Variants in ADGRD1 observed in about 807,000 individuals in gnomAD.
ADGRD1 encodes G-protein coupled receptor 133.
A neutral mutation model predicts 113.4 loss-of-function variants in ADGRD1; 77 were observed. The observed-to-expected ratio is 0.68, with a 90% confidence interval of 0.57 to 0.82. The LOEUF (loss-of-function observed/expected upper bound fraction) is 0.82, where lower values mean the gene tolerates loss of function less well. Ranked by LOEUF, ADGRD1 falls within the 40% of genes least tolerant of loss-of-function variation. ADGRD1 has a pLI of 0.00. For synonymous variants in ADGRD1, 474 were observed against 475.0 expected, an observed-to-expected ratio of 1.00 and a Z score of 0.03; for missense variants, 1,036 against 1,139.1, an observed-to-expected ratio of 0.91 and a Z score of 1.30.
At position 130,984,913 on chromosome 12, in the gene ADGRD1, C is replaced by T. The variant is rs1330010921; in HGVS notation, c.491-2182C>T. 6.7e-6 allele frequency among the ~76,000 whole-genome samples: 1 copy of T among 149,900 alleles called. No homozygotes were observed. The highest frequency in any genetic ancestry group is 1.5e-5 in the Non-Finnish European group (1 of 67,562). Reference sequence around the variant, plus strand: ...TCTTCTCTTCTCTCTCTCTCTCACTCTCTCTCTCCTCTCTTCTCTCTTTCT... The same window carrying T: ...TCTTCTCTTCTCTCTCTCTCTCACTTTCTCTCTCCTCTCTTCTCTCTTTCT... On this transcript the variant is annotated intron_variant, in intron 5 of 24. Transcript: ENST00000261654. The surrounding 1 kb of genome is among the most constrained non-coding windows in gnomAD (Gnocchi z 4.1).
At chr12:131,030,887 G>A (rs1034945932) in intron 13 of ADGRD1, 1 of 152,284 alleles carries the variant, frequency 6.6e-6, no homozygotes, top group African/African-American at 2.4e-5. Context: ...GAGACACTGA[G>A]CCGCATCTGC....
intron 12 of ADGRD1, among the ~76,000 whole-genome samples, chr12:131,012,935 G>T (rs1217584389): frequency 1.3e-5 from 2 of 152,174 alleles, no homozygotes; most frequent in Non-Finnish European, 2.9e-5. Flanking sequence ...AGGCATCTTT[G>T]TGTAGTCACC....
At chr12:131,072,667 C>T (rs1032952123) in intron 13 of ADGRD1, among the ~76,000 whole-genome samples, 2 of 152,206 alleles carry the variant, frequency 1.3e-5, no homozygotes, top group Non-Finnish European at 2.9e-5. Flanking sequence ...AGGACAGACC[C>T]CTTCAAGCTG....
At chr12:131,064,229 C>T (rs1456362740) in intron 13 of ADGRD1, among the ~76,000 whole-genome samples, 1 of 152,206 alleles carries the variant, frequency 6.6e-6, no homozygotes, top group Non-Finnish European at 1.5e-5. Context: ...TGAGACCAGA[C>T]ATCTTTGCTT....
chr12:131,130,728 G>A (rs952740985), intron 20 of ADGRD1, among the ~76,000 whole-genome samples: 16 of 151,080 alleles, frequency 1.1e-4, no homozygotes, highest in African/African-American at 3.2e-4. Context: ...CCGTGCGGGG[G>A]AAGAGCGAGG....
chr12:131,121,676 G>A (rs1950598193), intron 20 of ADGRD1, among the ~76,000 whole-genome samples: 1 of 152,174 alleles, frequency 6.6e-6, no homozygotes. Flanking sequence ...CACTGTGCCT[G>A]GCCCCAACTC....
chr12:131,108,691 C>A (rs747472679), intron 17 of ADGRD1, 33 bp from the exon 18 acceptor site: 1 of 1,613,876 alleles, frequency 6.2e-7, no homozygotes, highest in Non-Finnish European at 8.5e-7. Flanking sequence ...CACCCCAGAG[C>A]TGTCTCACTT....
chr12:130,985,624 C>T (rs1266219953), intron 5 of ADGRD1, among the ~76,000 whole-genome samples: 1 of 151,436 alleles, frequency 6.6e-6, no homozygotes, highest in Admixed American at 6.6e-5. Context: ...GATCTCGGCT[C>T]ACTGCAACCT....
intron 14 of ADGRD1, among the ~76,000 whole-genome samples, chr12:131,079,853 G>C (rs1240907835): frequency 2.6e-5 from 4 of 152,068 alleles, no homozygotes; most frequent in Non-Finnish European, 2.9e-5. Context: ...TATAATCTGT[G>C]TCTTCTTTTT....
chr12:131,076,728 T>A, intron 13 of ADGRD1, 73 bp from the exon 14 acceptor site: 1 of 1,302,802 alleles, frequency 7.7e-7, no homozygotes, highest in Non-Finnish European at 1.1e-6. Context: ...AGGGTCTCGC[T>A]CTCACATCAG....
intron 14 of ADGRD1, among the ~76,000 whole-genome samples, chr12:131,077,265 T>C (rs1327523143): frequency 6.6e-6 from 1 of 152,124 alleles, no homozygotes; most frequent in East Asian, 1.9e-4. Flanking sequence ...GGCTTCTGAC[T>C]AGCCACGTTG....
chr12:131,129,056 G>C (rs111694385), intron 20 of ADGRD1, among the ~76,000 whole-genome samples: 106 of 65,372 alleles, frequency 1.6e-3, no homozygotes, highest in Admixed American at 1.9e-3. Flanking sequence ...GTGACAGGCC[G>C]GCCCTGCTGT....
At chr12:131,095,465 T>C (rs1358607051) in intron 15 of ADGRD1, among the ~76,000 whole-genome samples, 1 of 152,250 alleles carries the variant, frequency 6.6e-6, no homozygotes, top group African/African-American at 2.4e-5. Context: ...CTGGAGCCGC[T>C]CTGCAGAGGG....
rs1360266084 is a variant in ADGRD1, at chr12:131,036,243, TACTCACTGCAGTGAGTCTC to T, written c.1473+21914_1473+21932del. Among the ~76,000 whole-genome samples, 3 of 150,908 alleles carry T rather than the reference TACTCACTGCAGTGAGTCTC, an allele frequency of 2.0e-5. No homozygotes were observed. In the South Asian group the frequency reaches 6.3e-4, roughly 32 times the overall value. On this transcript the variant is annotated intron_variant, in intron 13 of 24. Transcript: ENST00000261654. ...CACCGGGTCTTACTGCATCAGGCCT[TACTCACTGCAGTGAGTCTC>T]ACTCACTGCACTGGGTCTCACTCAC...
At chr12:131,002,106 G>T (rs1593333559) in intron 9 of ADGRD1, among the ~76,000 whole-genome samples, 1 of 152,220 alleles carries the variant, frequency 6.6e-6, no homozygotes, top group Non-Finnish European at 1.5e-5. Context: ...AGGGGACTTT[G>T]TGTCCAAAGC....
intron 20 of ADGRD1, among the ~76,000 whole-genome samples, chr12:131,125,297 C>T (rs1006848336): frequency 6.6e-6 from 1 of 152,148 alleles, no homozygotes; most frequent in African/African-American, 2.4e-5. Flanking sequence ...ACACCCCGTT[C>T]CCCCAAAGAA....
chr12:131,004,255 A>G lies in ADGRD1; in HGVS notation c.1214A>G (p.Gln405Arg). 1.2e-6 allele frequency: 2 copies of G among 1,613,908 alleles called. No homozygotes were observed. Among genetic ancestry groups the G allele is most frequent in the Non-Finnish European group, 1.7e-6 (2 of 1,179,958 alleles). Residue 405 changes from glutamine (Q) to arginine (R), a missense_variant, in exon 11 of 25, where the codon CAG becomes CGG. Physicochemically the swap from Gln to Arg is conservative, Grantham distance 43 (BLOSUM62 1). Transcript: ENST00000261654. ...CATTACCGCTTCCCGGCCCACGGGC[A>G]GAGCTTCATCCAGATCCCCCACGAG... ...SSHYRFPAHG[Q>R]SFIQIPHEAF...
At chr12:131,006,937 A>G (rs1169344728) in intron 12 of ADGRD1, among the ~76,000 whole-genome samples, 2 of 152,224 alleles carry the variant, frequency 1.3e-5, no homozygotes, top group East Asian at 1.9e-4. Flanking sequence ...AAAAGATGCC[A>G]TCTCAGTTAT....
intron 13 of ADGRD1, among the ~76,000 whole-genome samples, chr12:131,064,779 C>T (rs539231871): frequency 1.3e-5 from 2 of 152,338 alleles, no homozygotes; most frequent in African/African-American, 4.8e-5. Context: ...GTTTTCCCCA[C>T]TCTCATATGT....
Sources: gnomAD v4.1 joint callset for allele counts (sites outside exome capture counted in the v4.1 genomes callset) on GRCh38, gnomAD v4.1.1 for gene constraint, Gnocchi (gnomAD v3.1) non-coding constraint, MANE v1.5 for transcripts, NCBI Gene and HGNC (gene_info 2026-07-23, HGNC 2026-07-21) for gene names.